Variants in CADPS observed in about 807,000 individuals in gnomAD.
CADPS encodes calcium dependent secretion activator.
Under a neutral mutation model 167.3 loss-of-function variants are expected in CADPS, and 57 were observed. That is an observed-to-expected ratio of 0.34 (90% confidence interval 0.28 to 0.42). The LOEUF is 0.42. Among genes scored for constraint, CADPS ranks in the 20% least tolerant of loss-of-function variants. CADPS has a pLI of 1.00. For missense variants in CADPS, 1,414 were observed against 1,738.1 expected, an observed-to-expected ratio of 0.81 and a Z score of 3.32; for synonymous variants, 676 against 635.3, an observed-to-expected ratio of 1.06 and a Z score of -0.96.
chr3:62,866,229 AACTT>A (rs1477735537), intron 1 of CADPS, among the ~76,000 whole-genome samples: 1 of 152,140 alleles, frequency 6.6e-6, no homozygotes, highest in African/African-American at 2.4e-5. Flanking sequence ...TCTGTAACAT[AACTT>A]ATTTTGAAGC....
intron 17 of CADPS, among the ~76,000 whole-genome samples, chr3:62,501,986 A>G (rs545757250): frequency 6.6e-6 from 1 of 152,340 alleles, no homozygotes; most frequent in South Asian, 2.1e-4. Context: ...TTTTACTTGA[A>G]CATAAAACCA....
At chr3:62,549,447 G>GTTTTTTTTTT (rs3074235) in intron 11 of CADPS, among the ~76,000 whole-genome samples, 1 of 129,288 alleles carries the variant, frequency 7.7e-6, no homozygotes, top group Non-Finnish European at 1.6e-5. Context: ...CATGTTTTGT[G>GTTTTTTTTTT]TTTTTTTTTT....
chr3:62,400,335 A>C (rs1705447971), intron 29 of CADPS, among the ~76,000 whole-genome samples: 1 of 152,130 alleles, frequency 6.6e-6, no homozygotes, highest in African/African-American at 2.4e-5. Flanking sequence ...AGATTTCCTT[A>C]GGTATCTCAA....
chr3:62,423,951 A>G lies in CADPS; in HGVS notation c.3777+14153T>C, dbSNP rs115001421. Among the ~76,000 whole-genome samples, 381 of 152,366 alleles carry G rather than the reference A, an allele frequency of 2.5e-3. 1 individual carries two copies. Among genetic ancestry groups the G allele is most frequent in the African/African-American group, 8.3e-3 (346 of 41,596 alleles). Reference sequence around the variant, plus strand: ...TTATAATTGTTATTATTAAACAGCCATTTATTAGAAACTTCAATTAATTGG... The same window carrying G: ...TTATAATTGTTATTATTAAACAGCCGTTTATTAGAAACTTCAATTAATTGG... On this transcript the variant is annotated intron_variant, in intron 28 of 29. Coordinates refer to ENST00000383710, the MANE Select transcript of CADPS (RefSeq NM_003716.4).
chr3:62,621,063 T>A (rs2063097284), intron 6 of CADPS, among the ~76,000 whole-genome samples: 1 of 152,218 alleles, frequency 6.6e-6, no homozygotes, highest in Non-Finnish European at 1.5e-5. Context: ...GGATCCAGCA[T>A]CTTTGTTTCT....
chr3:62,872,963 A>C (rs2082899000), intron 1 of CADPS, among the ~76,000 whole-genome samples: 1 of 152,232 alleles, frequency 6.6e-6, no homozygotes, highest in African/African-American at 2.4e-5. Context: ...TCCAAACTGA[A>C]ATGTGAACTA....
Position 62,729,664 on chromosome 3 carries a change from G to T in CADPS, c.888+23777C>A, listed in dbSNP as rs572272060. Among the ~76,000 whole-genome samples, 439 of 152,002 alleles carry T rather than the reference G, an allele frequency of 2.9e-3. 12 individuals are homozygous for T. Among genetic ancestry groups the T allele is most frequent in the African/African-American group, 0.01 (419 of 41,298 alleles). ...TTGTTGAGTGAGAATTAAGTTGTCT[G>T]ATACATAATAAGCATAATCCAAATT... On this transcript the variant is annotated intron_variant, in intron 3 of 29. Transcript: ENST00000383710.
intron 8 of CADPS, among the ~76,000 whole-genome samples, chr3:62,578,584 T>TG (rs372474182): frequency 0.014 from 1,795 of 127,444 alleles, 36 homozygotes; most frequent in African/African-American, 0.051. Context: ...CACTCCAGCC[T>TG]GGGTGACAGA....
intron 2 of CADPS, among the ~76,000 whole-genome samples, chr3:62,762,502 C>A (rs1160229029): frequency 6.6e-6 from 1 of 151,754 alleles, no homozygotes; most frequent in African/African-American, 2.4e-5. Context: ...ACAAAAAATA[C>A]AAAAATTAGT....
chr3:62,721,561 AACAG>A (rs1447646213), intron 3 of CADPS, among the ~76,000 whole-genome samples: 1 of 152,120 alleles, frequency 6.6e-6, no homozygotes, highest in Non-Finnish European at 1.5e-5. Flanking sequence ...CGCTTCCTGA[AACAG>A]ACAACTTCCA....
chr3:62,691,646 G>A (rs779092038), intron 3 of CADPS, among the ~76,000 whole-genome samples: 1 of 152,028 alleles, frequency 6.6e-6, no homozygotes, highest in Non-Finnish European at 1.5e-5. Flanking sequence ...GGATGGAGTT[G>A]GAAGCCATTA....
At chr3:62,802,846 T>G (rs917717284) in intron 1 of CADPS, among the ~76,000 whole-genome samples, 3 of 152,142 alleles carry the variant, frequency 2.0e-5, no homozygotes, top group African/African-American at 7.2e-5. Flanking sequence ...TTCCTACTAT[T>G]CTCTGGTCTG....
chr3:62,566,821 G>A (rs1266996240), intron 9 of CADPS, among the ~76,000 whole-genome samples: 1 of 151,966 alleles, frequency 6.6e-6, no homozygotes, highest in Non-Finnish European at 1.5e-5. Flanking sequence ...TTTTTTGGGG[G>A]GATGGATGTC....
intron 1 of CADPS, among the ~76,000 whole-genome samples, chr3:62,867,939 G>A (rs2082004389): frequency 6.6e-6 from 1 of 151,978 alleles, no homozygotes; most frequent in Non-Finnish European, 1.5e-5. Flanking sequence ...CGAGATAAGG[G>A]TACAGCAAGA....
chr3:62,472,097 A>G (rs2060693914), intron 24 of CADPS, among the ~76,000 whole-genome samples: 2 of 152,362 alleles, frequency 1.3e-5, no homozygotes, highest in Admixed American at 6.5e-5. Flanking sequence ...AAGAAGCCAG[A>G]CACAAACGGC....
chr3:62,734,908 G>T (rs2078685342), intron 3 of CADPS, among the ~76,000 whole-genome samples: 1 of 152,016 alleles, frequency 6.6e-6, no homozygotes, highest in Admixed American at 6.6e-5. Context: ...TTTGAAACAT[G>T]GCTATTTGTA....
At chr3:62,816,968 T>A (rs879466070) in intron 1 of CADPS, among the ~76,000 whole-genome samples, 2 of 151,866 alleles carry the variant, frequency 1.3e-5, no homozygotes, top group African/African-American at 2.4e-5. Context: ...CTAGTTAAAA[T>A]TTTTTTTGGC....
At position 62,646,225 on chromosome 3, in the gene CADPS, C is replaced by A. The variant is rs186395348; in HGVS notation, c.1204-382G>T. Among the ~76,000 whole-genome samples, 9 of 143,702 alleles carry A rather than the reference C, an allele frequency of 6.3e-5. 1 individual carries two copies. The highest frequency in any genetic ancestry group is 2.1e-4 in the African/African-American group (8 of 38,204). 94.3% of individuals were successfully genotyped at this position (143,702 alleles called of 152,430 possible). A position where few individuals can be genotyped will look rare whatever the true frequency, so the allele number is the denominator to read the frequency against. On this transcript the variant is annotated intron_variant, in intron 5 of 29. Coordinates refer to ENST00000383710, the MANE Select transcript of CADPS (RefSeq NM_003716.4). ...CACCCAGGCTGGAGTGGTGCAATGG[C>A]GTGATCTCGGCTCACTGCAACCTCC...
rs2063637773 is a variant in CADPS, at chr3:62,491,196, G to A, written c.3026+143C>T. ...CCTGCCATTTGGGCAAAGAAGCTATGAGCATCATAGTAGAAGAAATGTATG... is the reference window on the plus strand; with the variant it reads ...CCTGCCATTTGGGCAAAGAAGCTATAAGCATCATAGTAGAAGAAATGTATG... On this transcript the variant is annotated intron_variant, in intron 21 of 29. Coordinates refer to ENST00000383710, the MANE Select transcript of CADPS (RefSeq NM_003716.4). The A allele has an allele frequency of 5.1e-6, 5 of 980,208 alleles. No homozygotes were observed. The Admixed American group carries it at 7.5e-5, about 15-fold the overall frequency. 60.7% of individuals were successfully genotyped at this position (980,208 alleles called of 1,614,324 possible). A position where few individuals can be genotyped will look rare whatever the true frequency, so the allele number is the denominator to read the frequency against.
Sources: allele counts gnomAD v4.1 joint callset (sites outside exome capture counted in the v4.1 genomes callset), GRCh38; gene constraint gnomAD v4.1.1; transcripts MANE v1.5; gene names NCBI Gene and HGNC (gene_info 2026-07-23, HGNC 2026-07-21).